HIVEP3: variants seen among roughly 807,000 people sequenced by gnomAD.
HIVEP3 encodes transcription factor HIVEP3.
In HIVEP3, 49 loss-of-function variants were observed where a neutral mutation model predicts 152.8. The ratio of observed to expected loss-of-function variants is 0.32; its 90% CI spans 0.26 to 0.41. The LOEUF (loss-of-function observed/expected upper bound fraction) is 0.41, where lower values mean the gene tolerates loss of function less well. Ranked by LOEUF, HIVEP3 falls within the 10% of genes least tolerant of loss-of-function variation. The probability of loss-of-function intolerance (pLI) is 1.00; values close to 1 mark genes in which losing one functional copy is unlikely to be tolerated. For synonymous variants in HIVEP3, 1,269 were observed against 1,289.0 expected, an observed-to-expected ratio of 0.98 and a Z score of 0.33; for missense variants, 2,790 against 3,103.3, an observed-to-expected ratio of 0.90 and a Z score of 2.40.
At chr1:41,523,836 A>C (rs2149052071) in intron 6 of HIVEP3, among the ~76,000 whole-genome samples, 1 of 152,320 alleles carries the variant, frequency 6.6e-6, no homozygotes, top group East Asian at 1.9e-4. Flanking sequence ...CTGACCCAGG[A>C]ATCTATCAAG....
In HIVEP3 at chr1:41,585,311, C is replaced by T. The variant is rs1037206342; in HGVS notation, c.-514G>A. The T allele has an allele frequency of 7.5e-6, 3 of 399,066 alleles. No homozygotes were observed. Among genetic ancestry groups the T allele is most frequent in the Non-Finnish European group, 1.3e-5 (3 of 226,146 alleles). 24.7% of individuals were successfully genotyped at this position (399,066 alleles called of 1,614,324 possible). On this transcript the variant is annotated 5_prime_UTR_variant, in exon 4 of 9. Coordinates refer to ENST00000372583, the MANE Select transcript of HIVEP3 (RefSeq NM_024503.5). ...CAACGGCCTTGGAGGAGAAATCACG[C>T]TCTTCTTCTGTGTGATAGATGTACA... is the stretch of plus-strand genomic sequence containing the variant.
intron 5 of HIVEP3, 63 bp from the exon 6 acceptor site, chr1:41,524,973 G>A: frequency 6.9e-7 from 1 of 1,447,648 alleles, no homozygotes; most frequent in Admixed American, 1.8e-5. Flanking sequence ...TCCCACCTCA[G>A]AAGACGCACG....
At chr1:41,975,579 A>T (rs1331237429) in intron 1 of HIVEP3, among the ~76,000 whole-genome samples, 1 of 152,248 alleles carries the variant, frequency 6.6e-6, no homozygotes, top group Non-Finnish European at 1.5e-5. Context: ...CTTTGGAAGT[A>T]CAAAAAACTT....
chr1:41,639,067 C>T (rs1645332133), intron 2 of HIVEP3, among the ~76,000 whole-genome samples: 1 of 152,372 alleles, frequency 6.6e-6, no homozygotes, highest in African/African-American at 2.4e-5. Context: ...AACGGAACGT[C>T]TGCAGAAGGG....
At chr1:41,737,718 C>A (rs1021042791) in intron 1 of HIVEP3, among the ~76,000 whole-genome samples, 1 of 152,172 alleles carries the variant, frequency 6.6e-6, no homozygotes, top group Admixed American at 6.5e-5. Flanking sequence ...CTCAGTCTGG[C>A]ACTTTATGTA....
At chr1:41,854,517 CTTTT>C (rs998972000) in intron 1 of HIVEP3, among the ~76,000 whole-genome samples, 4 of 103,638 alleles carry the variant, frequency 3.9e-5, no homozygotes, top group South Asian at 3.2e-4. Context: ...TCTTGCTGCA[CTTTT>C]TTTTTTTTTT....
chr1:41,803,317 CTT>C (rs1349158326), intron 1 of HIVEP3, among the ~76,000 whole-genome samples: 3 of 152,164 alleles, frequency 2.0e-5, no homozygotes, highest in Non-Finnish European at 4.4e-5. Context: ...CTTGCAATGT[CTT>C]TATAAAGGTG....
At chr1:41,908,930 T>G (rs1195140971) in intron 1 of HIVEP3, among the ~76,000 whole-genome samples, 1 of 152,130 alleles carries the variant, frequency 6.6e-6, no homozygotes, top group African/African-American at 2.4e-5. Context: ...ATCCAGGAAC[T>G]CCAATGAATA....
Position 41,731,578 on chromosome 1 carries a change from C to T in HIVEP3, c.-800-30583G>A, listed in dbSNP as rs78763450. Reference sequence around the variant, plus strand: ...GGTCATAAAGAGATTGTGGCTTCTACCTTGCTCTCTCTTGGACCCCAGTTG... The same window carrying T: ...GGTCATAAAGAGATTGTGGCTTCTATCTTGCTCTCTCTTGGACCCCAGTTG... On this transcript the variant is annotated intron_variant, in intron 1 of 8. Coordinates refer to ENST00000372583, the MANE Select transcript of HIVEP3 (RefSeq NM_024503.5). 8.7e-3 allele frequency among the ~76,000 whole-genome samples: 1,322 copies of T among 152,336 alleles called. 19 individuals are homozygous for T. The highest frequency in any genetic ancestry group is 0.03 in the African/African-American group (1,251 of 41,570).
At chr1:41,996,676 T>G (rs1557555019) in intron 1 of HIVEP3, among the ~76,000 whole-genome samples, 1 of 152,214 alleles carries the variant, frequency 6.6e-6, no homozygotes, top group Admixed American at 6.5e-5. Flanking sequence ...CCCTGTGTAT[T>G]AATTTCCCAT....
intron 2 of HIVEP3, among the ~76,000 whole-genome samples, chr1:41,637,775 A>G (rs1437071964): frequency 6.6e-6 from 1 of 152,210 alleles, no homozygotes; most frequent in Non-Finnish European, 1.5e-5. Flanking sequence ...AGCACTAAGC[A>G]TGTATCACTT....
intron 1 of HIVEP3, among the ~76,000 whole-genome samples, chr1:41,855,359 A>T (rs1385429555): frequency 6.6e-6 from 1 of 152,236 alleles, no homozygotes; most frequent in African/African-American, 2.4e-5. Flanking sequence ...ATGGGATCTA[A>T]TTAAACTAAA....
chr1:41,544,937 C>T (rs866986950), intron 5 of HIVEP3, among the ~76,000 whole-genome samples: 2 of 31,842 alleles, frequency 6.3e-5, no homozygotes, highest in Admixed American at 2.4e-4. Flanking sequence ...CCATCACCAC[C>T]ACCACCACTA....
chr1:41,993,992 GA>G (rs1411980675), intron 1 of HIVEP3, among the ~76,000 whole-genome samples: 5 of 122,104 alleles, frequency 4.1e-5, no homozygotes. Flanking sequence ...ACACTCTGGG[GA>G]CTGTTGTGGG....
intron 1 of HIVEP3, among the ~76,000 whole-genome samples, chr1:41,732,453 G>A (rs1646856225): frequency 6.6e-6 from 1 of 152,166 alleles, no homozygotes; most frequent in Non-Finnish European, 1.5e-5. Flanking sequence ...CCAGCAGGGT[G>A]ACTGAGGGGA....
At chr1:41,551,861 T>C (rs1388557260) in intron 5 of HIVEP3, among the ~76,000 whole-genome samples, 1 of 152,162 alleles carries the variant, frequency 6.6e-6, no homozygotes, top group Non-Finnish European at 1.5e-5. Context: ...TCTGAAGAGT[T>C]TTTGTGTGTC....
chr1:41,673,893 A>C (rs756134033), intron 2 of HIVEP3, among the ~76,000 whole-genome samples: 1 of 152,222 alleles, frequency 6.6e-6, no homozygotes, highest in African/African-American at 2.4e-5. Context: ...GTTAGGTGCC[A>C]GGAGTGTGGG....
Position 41,580,022 on chromosome 1 carries a change from T to C in HIVEP3, c.4776A>G (p.Val1592=). The C allele has an allele frequency of 6.2e-7, 1 of 1,614,176 alleles. No individual in the cohort carries two copies. The highest frequency in any genetic ancestry group is 8.5e-7 in the Non-Finnish European group (1 of 1,180,028). Residue 1592 remains valine (V), a synonymous_variant, in exon 4 of 9, where the codon GTA becomes GTG. Coordinates refer to ENST00000372583, the MANE Select transcript of HIVEP3 (RefSeq NM_024503.5). ...KSQEGTDSKK[V]LQFPSLHTTT... The stretch of plus-strand genomic sequence containing the variant: ...TTGTGTGGAGGCTGGGGAACTGCAG[T>C]ACCTTCTTTGAGTCCGTACCTTCTT...
intron 1 of HIVEP3, among the ~76,000 whole-genome samples, chr1:41,780,750 G>A (rs545314963): frequency 1.3e-5 from 2 of 152,234 alleles, no homozygotes; most frequent in South Asian, 4.1e-4. Flanking sequence ...TCAGCAACCA[G>A]GTCAAATCTC....
Sources: gnomAD v4.1 joint callset for allele counts (sites outside exome capture counted in the v4.1 genomes callset) on GRCh38, gnomAD v4.1.1 for gene constraint, MANE v1.5 for transcripts, NCBI Gene and HGNC (gene_info 2026-07-23, HGNC 2026-07-21) for gene names.